S1PR2: variants seen among roughly 807,000 people sequenced by gnomAD.
S1PR2 encodes the protein sphingosine-1-phosphate receptor 2, also known as sphingosine 1-phosphate receptor 2.
A neutral mutation model predicts 16.1 loss-of-function variants in S1PR2; 9 were observed. The ratio of observed to expected loss-of-function variants is 0.56; its 90% CI spans 0.34 to 0.98. The LOEUF (loss-of-function observed/expected upper bound fraction) is 0.98. Ranked by LOEUF, S1PR2 falls within the 50% of genes least tolerant of loss-of-function variation. S1PR2 has a pLI of 0.02. For synonymous variants in S1PR2, 224 were observed against 233.9 expected (o/e 0.96, Z 0.38); for missense variants, 361 against 488.4 (o/e 0.74, Z 2.46).
intron 1 of S1PR2, among the ~76,000 whole-genome samples, chr19:10,230,051 C>T (rs1281256403): frequency 1.3e-5 from 2 of 152,208 alleles, no homozygotes; most frequent in African/African-American, 2.4e-5. Flanking sequence ...AACTCCTAAG[C>T]TCAGCCCAGA....
rs2039597066 is a variant in S1PR2 at position 10,222,118 on chromosome 19, G to A, written c.*1726C>T. On this transcript the variant is annotated 3_prime_UTR_variant, in exon 2 of 2. Coordinates refer to ENST00000646641, the MANE Select transcript of S1PR2 (RefSeq NM_004230.4). ...AAAAATACAAAAATTAGCCAGACAT[G>A]GTGGCAGGTGCCTGTAGTCCCAGCT... 3 of 152,194 alleles carry A rather than the reference G, an allele frequency of 2.0e-5. No homozygotes were observed. Among genetic ancestry groups the A allele is most frequent in the Non-Finnish European group, 4.4e-5 (3 of 68,064 alleles). The allele number at this position is 152,194 out of a possible 1,614,324, so 9.4% of individuals were successfully genotyped here.
rs1568275408 is a variant in S1PR2, at chr19:10,224,558, G to A, written c.348C>T (p.Leu116=). 2 of 1,613,910 alleles carry A rather than the reference G, an allele frequency of 1.2e-6. No homozygotes were observed. Among genetic ancestry groups the A allele is most frequent in the Non-Finnish European group, 1.7e-6 (2 of 1,180,042 alleles). ...FAREGSAFIT[L]SASVFSLLAI... ...CCAGGAGGCTGAAGACAGAGGCCGA[G>A]AGCGTGATGAAGGCAGAGCCCTCCC... The change falls in exon 2 of 2, where the codon CTC becomes CTT. Residue 116 remains leucine, a synonymous_variant. Coordinates refer to ENST00000646641, the MANE Select transcript of S1PR2 (RefSeq NM_004230.4).
chr19:10,225,911 A>G (rs938454752), intron 1 of S1PR2, among the ~76,000 whole-genome samples: 1 of 151,908 alleles, frequency 6.6e-6, no homozygotes, highest in African/African-American at 2.4e-5. Context: ...TGGCATGATC[A>G]TAGCTCACAG....
intron 1 of S1PR2, among the ~76,000 whole-genome samples, chr19:10,226,667 C>T (rs1438223608): frequency 6.6e-6 from 1 of 152,138 alleles, no homozygotes; most frequent in Admixed American, 6.5e-5. Flanking sequence ...ATGGGCAGGG[C>T]GCTGGCACCC....
chr19:10,229,582 G>A (rs2039656503), intron 1 of S1PR2, among the ~76,000 whole-genome samples: 2 of 152,238 alleles, frequency 1.3e-5, no homozygotes, highest in South Asian at 2.1e-4. Flanking sequence ...GAGCCACCAC[G>A]CCTGGCCTTT....
rs764691626 is a variant in S1PR2, at chr19:10,223,907, G to A, written c.999C>T (p.Ser333=). Residue 333 remains serine, a synonymous_variant, in exon 2 of 2, where the codon TCC becomes TCT. Coordinates refer to ENST00000646641, the MANE Select transcript of S1PR2 (RefSeq NM_004230.4). ...TGGGCATGTGCATGCCCCTCTCCAG[G>A]GAGCTGGAGCTGCGGAGTGGCAGGA... is the stretch of plus-strand genomic sequence containing the variant. The part of the protein sequence containing the change: ...HHLLPLRSSS[S]LERGMHMPTS... The A allele has an allele frequency of 1.1e-5, 17 of 1,594,786 alleles. No individual in the cohort carries two copies. Among genetic ancestry groups the A allele is most frequent in the African/African-American group, 1.3e-5 (1 of 74,374 alleles).
At chr19:10,225,139 G>A (rs1394381640) in intron 1 of S1PR2, among the ~76,000 whole-genome samples, 192 bp from the exon 2 acceptor site, 1 of 152,140 alleles carries the variant, frequency 6.6e-6, no homozygotes, top group East Asian at 1.9e-4. Context: ...CTTTCCTAAA[G>A]TCTCAAATTT....
At position 10,221,852 on chromosome 19, in the gene S1PR2, C is replaced by T. The variant is rs948313752; in HGVS notation, c.*1992G>A. The T allele has an allele frequency of 1.3e-5, 2 of 152,482 alleles. No homozygotes were observed. Among genetic ancestry groups the T allele is most frequent in the Non-Finnish European group, 2.9e-5 (2 of 68,164 alleles). 9.4% of individuals were successfully genotyped at this position (152,482 alleles called of 1,614,324 possible). The stretch of plus-strand genomic sequence containing the variant: ...TAAATATACGTTTGTACCGTAACAT[C>T]CCTTCCATTATCCACAGGTTTTTGT... On this transcript the variant is annotated 3_prime_UTR_variant, in exon 2 of 2. Transcript: ENST00000646641.
Position 10,224,934 on chromosome 19 carries a change from TG to T in S1PR2, c.-30del, listed in dbSNP as rs753386724. The stretch of plus-strand genomic sequence containing the variant: ...GGGGCTCAGAGGCCTGCTGGGGCCA[TG>T]GGGCTTTCAGAACTGCAGAGAAGAC... On this transcript the variant is annotated 5_prime_UTR_variant, in exon 2 of 2. Coordinates refer to ENST00000646641, the MANE Select transcript of S1PR2 (RefSeq NM_004230.4). The T allele has an allele frequency of 2.2e-5, 35 of 1,565,052 alleles. 1 individual carries two copies. In the Middle Eastern group the frequency reaches 2.0e-3, roughly 90 times the overall value.
intron 1 of S1PR2, among the ~76,000 whole-genome samples, chr19:10,227,656 G>A (rs959200363): frequency 2.0e-5 from 3 of 152,230 alleles, no homozygotes; most frequent in Non-Finnish European, 4.4e-5. Context: ...CAAGGGCACT[G>A]AGCAATTTGC....
At position 10,224,523 on chromosome 19, in the gene S1PR2, A is replaced by G. The variant is rs1456561417; in HGVS notation, c.383T>C (p.Ile128Thr). 1 of 1,613,858 alleles carries G rather than the reference A, an allele frequency of 6.2e-7. No individual in the cohort carries two copies. Among genetic ancestry groups the G allele is most frequent in the South Asian group, 1.1e-5 (1 of 91,090 alleles). ...ASVFSLLAIA[I>T]ERHVAIAKVK... Reference sequence around the variant, plus strand: ...CTTGGCAATGGCCACGTGGCGCTCAATGGCGATGGCCAGGAGGCTGAAGAC... The same window carrying G: ...CTTGGCAATGGCCACGTGGCGCTCAGTGGCGATGGCCAGGAGGCTGAAGAC... Residue 128 changes from isoleucine to threonine, a missense_variant, in exon 2 of 2, where the codon ATT becomes ACT. Coordinates refer to ENST00000646641, the MANE Select transcript of S1PR2 (RefSeq NM_004230.4).
chr19:10,224,921 C>T lies in S1PR2; in HGVS notation c.-16G>A, dbSNP rs752600028. On this transcript the variant is annotated 5_prime_UTR_variant, in exon 2 of 2. Coordinates refer to ENST00000646641, the MANE Select transcript of S1PR2 (RefSeq NM_004230.4). ...AGCTGCCCATGGTGGGGCTCAGAGGCCTGCTGGGGCCATGGGGCTTTCAGA... is the reference window on the plus strand; with the variant it reads ...AGCTGCCCATGGTGGGGCTCAGAGGTCTGCTGGGGCCATGGGGCTTTCAGA... The T allele has an allele frequency of 1.9e-6, 3 of 1,590,248 alleles. No individual in the cohort carries two copies. The highest frequency in any genetic ancestry group is 1.1e-5 in the South Asian group (1 of 89,878).
At position 10,223,924 on chromosome 19, in the gene S1PR2, G is replaced by A. The variant is rs1448600347; in HGVS notation, c.982C>T (p.Leu328Phe). 1 of 1,601,532 alleles carries A rather than the reference G, an allele frequency of 6.2e-7. No individual in the cohort carries two copies. Among genetic ancestry groups the A allele is most frequent in the African/African-American group, 1.3e-5 (1 of 74,636 alleles). The change falls in exon 2 of 2, where the codon CTC becomes TTC. Residue 328 changes from leucine to phenylalanine, a missense_variant. By Grantham distance (22) the Leu-to-Phe change is conservative. Transcript: ENST00000646641. Reference protein sequence around the residue: ...GGTPGHHLLPLRSSSSLERGM... With the variant: ...GGTPGHHLLPFRSSSSLERGM... ...CTCTCCAGGGAGCTGGAGCTGCGGA[G>A]TGGCAGGAGGTGGTGGCCCGGGGTC...
rs2145438715 is a variant in S1PR2, at chr19:10,221,560, G to A, written c.*2284C>T. 1 of 152,396 alleles carries A rather than the reference G, an allele frequency of 6.6e-6. No homozygotes were observed. The highest frequency in any genetic ancestry group is 3.4e-3 in the Middle Eastern group (1 of 294). 9.4% of individuals were successfully genotyped at this position (152,396 alleles called of 1,614,324 possible). On this transcript the variant is annotated 3_prime_UTR_variant, in exon 2 of 2. Transcript: ENST00000646641. ...TGCCCCCCAAAGACCCGCTCCCCCA[G>A]GCTTTGCATTCACAAGAAATTACTC...
intron 1 of S1PR2, among the ~76,000 whole-genome samples, chr19:10,229,871 C>T (rs2039659092): frequency 6.6e-6 from 1 of 152,206 alleles, no homozygotes; most frequent in African/African-American, 2.4e-5. Flanking sequence ...TTCTGTCTGG[C>T]TTCCACCTAG....
intron 1 of S1PR2, among the ~76,000 whole-genome samples, chr19:10,225,416 A>C (rs1300582975): frequency 3.5e-5 from 1 of 28,588 alleles, no homozygotes; most frequent in Non-Finnish European, 7.1e-5. Context: ...TTTTTTTTTG[A>C]GATGGAGTCT....
intron 1 of S1PR2, among the ~76,000 whole-genome samples, chr19:10,230,787 C>A (rs2039670855): frequency 6.6e-6 from 1 of 152,242 alleles, no homozygotes; most frequent in Admixed American, 6.5e-5. Flanking sequence ...CCCGTGGGTG[C>A]CGCCCCTTGG....
At chr19:10,228,088 A>G (rs4804496) in intron 1 of S1PR2, among the ~76,000 whole-genome samples, 120,302 of 148,866 alleles carry the variant, frequency 0.81, 48,949 homozygotes, top group African/African-American at 0.87. Flanking sequence ...ATCACCTGAG[A>G]TCATGAGTTC....
Position 10,223,856 on chromosome 19 carries a change from G to A in S1PR2, c.1050C>T (p.Asn350=), listed in dbSNP as rs116191851. The A allele has an allele frequency of 5.0e-3, 7,716 of 1,541,202 alleles. 359 individuals are homozygous for A. In the African/African-American group the frequency reaches 0.094, roughly 19 times the overall value. ...TCCACCCCCACCCTCAGACCACCGT[G>A]TTGCCCTCCAGAAACGTGGGTGACG... ...MPTSPTFLEG[N]TVV Residue 350 remains asparagine (N), a synonymous_variant, in exon 2 of 2, where the codon AAC becomes AAT. Coordinates refer to ENST00000646641, the MANE Select transcript of S1PR2 (RefSeq NM_004230.4).
Sources: gnomAD v4.1 joint callset for allele counts (sites outside exome capture counted in the v4.1 genomes callset) on GRCh38, gnomAD v4.1.1 for gene constraint, MANE v1.5 for transcripts, NCBI Gene and HGNC (gene_info 2026-07-23, HGNC 2026-07-21) for gene names.